YWHAQ: variants seen among roughly 807,000 people sequenced by gnomAD.
The protein encoded by YWHAQ is tyrosine 3-monooxygenase/tryptophan 5-monooxygenase activation protein theta.
In YWHAQ, 6 loss-of-function variants were observed where a neutral mutation model predicts 28.3. That is an observed-to-expected ratio of 0.21 (90% CI 0.12 to 0.42). The LOEUF is 0.42. Among genes scored for constraint, YWHAQ ranks in the 10% least tolerant of loss-of-function variants. The pLI, the probability that YWHAQ is intolerant of heterozygous loss-of-function variation, is 1.00. For missense variants in YWHAQ, 201 were observed against 305.6 expected, an observed-to-expected ratio of 0.66 and a Z score of 2.55; for synonymous variants, 143 against 119.1, an observed-to-expected ratio of 1.20 and a Z score of -1.31.
intron 2 of YWHAQ, among the ~76,000 whole-genome samples, chr2:9,621,174 T>G (rs1667135772): frequency 6.6e-6 from 1 of 152,182 alleles, no homozygotes; most frequent in African/African-American, 2.4e-5. Context: ...TATTTTATTT[T>G]CTAAAAAGGG....
At chr2:9,602,851 AAAAAAAAAAAAATATAT>A (rs1666733127) in intron 2 of YWHAQ, among the ~76,000 whole-genome samples, 1 of 16,434 alleles carries the variant, frequency 6.1e-5, no homozygotes, top group Non-Finnish European at 1.3e-4. Context: ...AAAAAAAAAA[AAAAAAAAAAAAATATAT>A]ATATATATAT....
At chr2:9,593,177 TTTC>T (rs1274528356) in intron 2 of YWHAQ, among the ~76,000 whole-genome samples, 2 of 152,102 alleles carry the variant, frequency 1.3e-5, no homozygotes, top group East Asian at 3.9e-4. Context: ...AACCAAGAAC[TTTC>T]TTCTTGTTTA....
At chr2:9,606,432 T>A (rs1185733712) in intron 2 of YWHAQ, among the ~76,000 whole-genome samples, 1 of 113,962 alleles carries the variant, frequency 8.8e-6, no homozygotes. Context: ...AAAATAAAAA[T>A]AAAAAACCTT....
At chr2:9,586,087 G>A (rs1666338734) in intron 5 of YWHAQ, among the ~76,000 whole-genome samples, 1 of 152,126 alleles carries the variant, frequency 6.6e-6, no homozygotes, top group Non-Finnish European at 1.5e-5. Flanking sequence ...CCACAATCAT[G>A]GTTAACAATT....
intron 2 of YWHAQ, among the ~76,000 whole-genome samples, chr2:9,615,555 T>C (rs1180661331): frequency 6.6e-6 from 1 of 152,138 alleles, no homozygotes; most frequent in African/African-American, 2.4e-5. Flanking sequence ...AGAGGTCCTC[T>C]TAGGGAACCC....
At chr2:9,595,582 T>C (rs1270391700) in intron 2 of YWHAQ, among the ~76,000 whole-genome samples, 3 of 150,784 alleles carry the variant, frequency 2.0e-5, no homozygotes, top group Non-Finnish European at 4.4e-5. Flanking sequence ...CACATGCCTG[T>C]AATCCCAGCT....
intron 5 of YWHAQ, among the ~76,000 whole-genome samples, chr2:9,586,093 C>CA (rs1464831103): frequency 5.9e-5 from 9 of 152,226 alleles, no homozygotes; most frequent in Admixed American, 4.6e-4. Context: ...TCATGGTTAA[C>CA]AATTTTCAAG....
chr2:9,628,589 AATAC>A lies in YWHAQ; in HGVS notation c.294+1566_294+1569del, dbSNP rs1667292484. On this transcript the variant is annotated intron_variant, in intron 2 of 5. Transcript: ENST00000238081. Reference sequence around the variant, plus strand: ...TGAAATATGCTGTAAGAGTATCCAAAATACATACATAGAAAACCTTAACATATGG... The same window carrying A: ...TGAAATATGCTGTAAGAGTATCCAAAATACATAGAAAACCTTAACATATGG... 9 of 152,364 alleles carry A rather than the reference AATAC, an allele frequency of 5.9e-5. No homozygotes were observed. In the South Asian group the frequency reaches 1.7e-3, roughly 28 times the overall value. 9.4% of individuals were successfully genotyped at this position (152,364 alleles called of 1,614,324 possible). A position where few individuals can be genotyped will look rare whatever the true frequency, so the allele number is the denominator to read the frequency against.
rs938697037 is a variant in YWHAQ at position 9,630,027 on chromosome 2, G to A, written c.294+132C>T. ...GGAGGGACACAGTAGGGAAGTCAGGGCTCACCTAAAACCCTCCACCCCAGC... is the reference window on the plus strand; with the variant it reads ...GGAGGGACACAGTAGGGAAGTCAGGACTCACCTAAAACCCTCCACCCCAGC... On this transcript the variant is annotated intron_variant, in intron 2 of 5. Coordinates refer to ENST00000238081, the MANE Select transcript of YWHAQ (RefSeq NM_006826.4). The surrounding 1 kb of genome is among the most constrained non-coding windows in gnomAD (Gnocchi z 5.6). The A allele has an allele frequency of 1.7e-6, 2 of 1,182,866 alleles. No individual in the cohort carries two copies. Among genetic ancestry groups the A allele is most frequent in the African/African-American group, 1.5e-5 (1 of 65,472 alleles). The allele number at this position is 1,182,866 out of a possible 1,614,324, so 73.3% of individuals were successfully genotyped here. A position where few individuals can be genotyped will look rare whatever the true frequency, so the allele number is the denominator to read the frequency against.
At chr2:9,604,852 T>C (rs969975412) in intron 2 of YWHAQ, among the ~76,000 whole-genome samples, 13 of 152,160 alleles carry the variant, frequency 8.5e-5, no homozygotes, top group African/African-American at 3.1e-4. Context: ...AACGGCAAAC[T>C]CTTAAGCAGA....
intron 2 of YWHAQ, among the ~76,000 whole-genome samples, chr2:9,629,732 T>C (rs1418302465): frequency 6.6e-6 from 1 of 152,198 alleles, no homozygotes; most frequent in Non-Finnish European, 1.5e-5. Flanking sequence ...TTACTGGGTT[T>C]GGGAAAAAAT....
At chr2:9,619,550 C>CAAA (rs536843621) in intron 2 of YWHAQ, among the ~76,000 whole-genome samples, 2 of 140,510 alleles carry the variant, frequency 1.4e-5, no homozygotes, top group African/African-American at 5.2e-5. Flanking sequence ...CTTGTCTCAC[C>CAAA]AAAAAAAAAC....
chr2:9,613,621 C>T (rs902253194), intron 2 of YWHAQ, among the ~76,000 whole-genome samples: 1 of 152,168 alleles, frequency 6.6e-6, no homozygotes. Flanking sequence ...TCTCCATGAC[C>T]CAAATATTTC....
chr2:9,617,611 A>G (rs181157984), intron 2 of YWHAQ, among the ~76,000 whole-genome samples: 5 of 152,302 alleles, frequency 3.3e-5, no homozygotes, highest in African/African-American at 1.2e-4. Flanking sequence ...GCTAACTTTT[A>G]TGTTACGTGT....
At chr2:9,623,461 T>C (rs373026464) in intron 2 of YWHAQ, among the ~76,000 whole-genome samples, 1 of 152,346 alleles carries the variant, frequency 6.6e-6, no homozygotes, top group Non-Finnish European at 1.5e-5. Context: ...TTGTTGACAG[T>C]GTTCACCACT....
At chr2:9,595,261 C>T (rs1028136333) in intron 2 of YWHAQ, among the ~76,000 whole-genome samples, 2 of 152,188 alleles carry the variant, frequency 1.3e-5, no homozygotes, top group African/African-American at 4.8e-5. Flanking sequence ...ATAATCAAGT[C>T]TGTATCTGTA....
At chr2:9,593,314 T>C (rs1666495379) in intron 2 of YWHAQ, among the ~76,000 whole-genome samples, 1 of 149,586 alleles carries the variant, frequency 6.7e-6, no homozygotes, top group South Asian at 2.1e-4. Flanking sequence ...TCTCAAATGA[T>C]TCTCCTGCCT....
intron 2 of YWHAQ, chr2:9,620,742 T>A (rs908128784): frequency 1.3e-5 from 2 of 152,208 alleles, no homozygotes; most frequent in African/African-American, 4.8e-5. Flanking sequence ...GTGATTTTCC[T>A]GGTCTTCAAA....
At chr2:9,610,720 C>T (rs988281057) in intron 2 of YWHAQ, among the ~76,000 whole-genome samples, 4 of 152,150 alleles carry the variant, frequency 2.6e-5, no homozygotes, top group Admixed American at 2.6e-4. Flanking sequence ...GTTGGTCAGG[C>T]TGGTCTCGAA....
Sources: gnomAD v4.1 joint callset for allele counts (sites outside exome capture counted in the v4.1 genomes callset) on GRCh38, gnomAD v4.1.1 for gene constraint, Gnocchi (gnomAD v3.1) non-coding constraint, MANE v1.5 for transcripts, NCBI Gene and HGNC (gene_info 2026-07-23, HGNC 2026-07-21) for gene names.